GPM6A: variants seen among roughly 807,000 people sequenced by gnomAD.
GPM6A encodes the protein glycoprotein M6A, also known as neuronal membrane glycoprotein M6-a.
GPM6A carries 7 observed loss-of-function variants against 32.1 expected under a neutral mutation model. The ratio of observed to expected loss-of-function variants is 0.22; its 90% CI spans 0.12 to 0.41. GPM6A has a LOEUF of 0.41. GPM6A is among the 10% of genes least tolerant of loss of function. The pLI is 1.00. For synonymous variants in GPM6A, 130 were observed against 123.4 expected, an observed-to-expected ratio of 1.05 and a Z score of -0.35; for missense variants, 235 against 347.2, an observed-to-expected ratio of 0.68 and a Z score of 2.57.
intron 2 of GPM6A, among the ~76,000 whole-genome samples, chr4:175,681,310 A>T (rs912468163): frequency 1.3e-5 from 2 of 152,172 alleles, no homozygotes; most frequent in African/African-American, 4.8e-5. Flanking sequence ...GATGAGTGGT[A>T]TCCTGGTATT....
intron 1 of GPM6A, among the ~76,000 whole-genome samples, chr4:175,972,327 A>G (rs574066348): frequency 1.1e-3 from 166 of 152,364 alleles, no homozygotes; most frequent in African/African-American, 3.6e-3. Flanking sequence ...TTTTGTTTAC[A>G]TTAAAATGCA....
intron 1 of GPM6A, among the ~76,000 whole-genome samples, chr4:175,706,914 T>C (rs1210757606): frequency 6.6e-6 from 1 of 152,208 alleles, no homozygotes; most frequent in Non-Finnish European, 1.5e-5. Flanking sequence ...TCATGGGTCA[T>C]TATATGCTAA....
chr4:175,711,725 G>A (rs77456418), intron 1 of GPM6A, among the ~76,000 whole-genome samples: 10 of 119,004 alleles, frequency 8.4e-5, no homozygotes, highest in African/African-American at 2.6e-4. Context: ...TGGGTGGGGG[G>A]TGGGGAGGCT....
At chr4:175,707,007 C>T (rs1189890325) in intron 1 of GPM6A, among the ~76,000 whole-genome samples, 1 of 152,158 alleles carries the variant, frequency 6.6e-6, no homozygotes, top group Non-Finnish European at 1.5e-5. Flanking sequence ...ATGAGGTTAC[C>T]CTACATGGTC....
chr4:175,730,317 C>T (rs1316731050), intron 1 of GPM6A, among the ~76,000 whole-genome samples: 10 of 149,120 alleles, frequency 6.7e-5, no homozygotes, highest in African/African-American at 2.5e-4. Context: ...ATCTCAGCTC[C>T]CTGCCACCTC....
chr4:175,885,815 C>T (rs756660469), intron 1 of GPM6A, among the ~76,000 whole-genome samples: 13 of 152,018 alleles, frequency 8.6e-5, no homozygotes, highest in Non-Finnish European at 1.3e-4. Context: ...ACTAATTGGT[C>T]TGTAATTATT....
intron 2 of GPM6A, among the ~76,000 whole-genome samples, chr4:175,679,919 AC>A: frequency 6.6e-6 from 1 of 152,202 alleles, no homozygotes; most frequent in Non-Finnish European, 1.5e-5. Flanking sequence ...CCTTGCACAC[AC>A]CTCTTTCAAC....
intron 2 of GPM6A, among the ~76,000 whole-genome samples, chr4:175,686,188 G>A (rs568868655): frequency 1.4e-4 from 21 of 152,246 alleles, no homozygotes; most frequent in Admixed American, 3.3e-4. Flanking sequence ...TTGCAAGAGC[G>A]AAAATGAACC....
Position 175,671,477 on chromosome 4 carries a change from G to GAAAAAAAAAAAAA in GPM6A, c.387+2190_387+2202dup, listed in dbSNP as rs544889132. The stretch of plus-strand genomic sequence containing the variant: ...CGTAAGATACAATCTGCCTACAAAC[G>GAAAAAAAAAAAAA]AAAAAAAAAAAAAAAAAAAAAAAAA... On this transcript the variant is annotated intron_variant, in intron 3 of 6. Coordinates refer to ENST00000393658, the MANE Select transcript of GPM6A (RefSeq NM_201591.3). Among the ~76,000 whole-genome samples, 7 of 24,408 alleles carry GAAAAAAAAAAAAA rather than the reference G, an allele frequency of 2.9e-4. 3 individuals carry two copies. The highest frequency in any genetic ancestry group is 5.0e-3 in the East Asian group (2 of 400). The allele number at this position is 24,408 out of a possible 152,430, so 16.0% of individuals were successfully genotyped here.
intron 4 of GPM6A, among the ~76,000 whole-genome samples, chr4:175,650,626 C>T (rs986741914): frequency 8.6e-5 from 13 of 151,992 alleles, no homozygotes; most frequent in Admixed American, 2.6e-4. Flanking sequence ...TTATTAAATG[C>T]GAACTAGTGT....
intron 1 of GPM6A, among the ~76,000 whole-genome samples, chr4:175,864,785 C>T (rs1377886244): frequency 2.0e-5 from 3 of 151,760 alleles, no homozygotes; most frequent in African/African-American, 7.3e-5. Flanking sequence ...TTCTTTATAC[C>T]TATAATTTTC....
At position 175,918,237 on chromosome 4, in the gene GPM6A, TA is replaced by T. The variant is rs527272599; in HGVS notation, c.-23+84071del. On this transcript the variant is annotated intron_variant, in intron 1 of 7. Transcript: ENST00000280187. ...CATATGTGCAAGCTATGAATGTTTTTAAAAAACATTGGAGAAACTACAAAAA... is the reference window on the plus strand; with the variant it reads ...CATATGTGCAAGCTATGAATGTTTTTAAAAACATTGGAGAAACTACAAAAA... Among the ~76,000 whole-genome samples, 27 of 152,264 alleles carry T rather than the reference TA, an allele frequency of 1.8e-4. No homozygotes were observed. The East Asian group carries it at 5.2e-3, about 29-fold the overall frequency.
chr4:175,734,149 TA>T (rs1731550961), intron 1 of GPM6A, among the ~76,000 whole-genome samples: 6 of 145,258 alleles, frequency 4.1e-5, no homozygotes, highest in Admixed American at 1.4e-4. Context: ...TATATATATA[TA>T]TATATATATA....
At chr4:175,750,204 G>A (rs1418172394) in intron 1 of GPM6A, among the ~76,000 whole-genome samples, 16 of 151,872 alleles carry the variant, frequency 1.1e-4, no homozygotes, top group African/African-American at 2.4e-4. Context: ...GATTACAGGC[G>A]CATGCCACCA....
chr4:175,954,495 G>A (rs534228533), intron 1 of GPM6A, among the ~76,000 whole-genome samples: 15 of 152,212 alleles, frequency 9.9e-5, no homozygotes, highest in African/African-American at 3.6e-4. Context: ...AAAATGTGTA[G>A]AGTACTGAGG....
chr4:175,875,001 T>C (rs1199275924), intron 1 of GPM6A, among the ~76,000 whole-genome samples: 1 of 152,210 alleles, frequency 6.6e-6, no homozygotes, highest in Non-Finnish European at 1.5e-5. Flanking sequence ...ACAAGAAATC[T>C]ATGTGCCTGC....
intron 1 of GPM6A, among the ~76,000 whole-genome samples, chr4:175,767,971 T>C (rs1040809588): frequency 3.3e-5 from 5 of 152,200 alleles, no homozygotes; most frequent in African/African-American, 9.7e-5. Flanking sequence ...GCAGATAACA[T>C]ATTTTTCAGA....
At chr4:175,785,757 TC>T (rs1261460589) in intron 1 of GPM6A, among the ~76,000 whole-genome samples, 1 of 152,088 alleles carries the variant, frequency 6.6e-6, no homozygotes, top group Non-Finnish European at 1.5e-5. Context: ...TGCAGATAAA[TC>T]AGCACTGTAT....
chr4:175,741,086 T>C (rs977782668), intron 1 of GPM6A, among the ~76,000 whole-genome samples: 37 of 152,196 alleles, frequency 2.4e-4, no homozygotes, highest in African/African-American at 8.7e-4. Flanking sequence ...GTCTAATTGG[T>C]TCTCCAACGT....
Sources: allele counts gnomAD v4.1 joint callset (sites outside exome capture counted in the v4.1 genomes callset), GRCh38; gene constraint gnomAD v4.1.1; transcripts MANE v1.5; gene names NCBI Gene and HGNC (gene_info 2026-07-23, HGNC 2026-07-21).